DNAH11: variants seen among roughly 807,000 people sequenced by gnomAD.
The protein encoded by DNAH11 is dynein axonemal heavy chain 11.
DNAH11 carries 442 observed loss-of-function variants against 526.0 expected under a neutral mutation model. The observed-to-expected ratio is 0.84, with a 90% CI of 0.78 to 0.91. The LOEUF (loss-of-function observed/expected upper bound fraction) is 0.91. Ranked by LOEUF, DNAH11 falls within the 40% of genes least tolerant of loss-of-function variation. DNAH11 has a pLI of 0.00. For synonymous variants in DNAH11, 2,461 were observed against 1,935.9 expected, an observed-to-expected ratio of 1.27 and a Z score of -7.12; for missense variants, 6,989 against 5,448.7, an observed-to-expected ratio of 1.28 and a Z score of -8.90.
intron 58 of DNAH11, 22 bp from the exon 59 acceptor site, chr7:21,786,602 G>T: frequency 6.2e-7 from 1 of 1,602,252 alleles, no homozygotes; most frequent in Non-Finnish European, 8.5e-7. Flanking sequence ...CTGTGTACGT[G>T]TTTCTGTGTG....
At chr7:21,838,236 C>G (rs181637834) in intron 65 of DNAH11, among the ~76,000 whole-genome samples, 1 of 152,186 alleles carries the variant, frequency 6.6e-6, no homozygotes, top group Non-Finnish European at 1.5e-5. Flanking sequence ...ACAAGATTAT[C>G]CTGTGATACA....
intron 48 of DNAH11, among the ~76,000 whole-genome samples, 195 bp downstream of exon 48, chr7:21,739,868 C>G (rs1785797521): frequency 6.6e-6 from 1 of 152,070 alleles, no homozygotes; most frequent in Admixed American, 6.6e-5. Context: ...TTTTTTATAT[C>G]AAAGTTTATA....
intron 27 of DNAH11, 72 bp from the exon 28 acceptor site, chr7:21,638,867 G>A (rs759771466): frequency 6.5e-7 from 1 of 1,528,994 alleles, no homozygotes; most frequent in African/African-American, 1.4e-5. Context: ...TAGAGGACTT[G>A]AGTTTTGTTT....
chr7:21,882,276 G>A (rs1431410508), intron 75 of DNAH11, among the ~76,000 whole-genome samples: 1 of 152,146 alleles, frequency 6.6e-6, no homozygotes, highest in African/African-American at 2.4e-5. Flanking sequence ...GTCACACTGT[G>A]TCCTGCTTTT....
intron 55 of DNAH11, among the ~76,000 whole-genome samples, chr7:21,765,798 A>G (rs57560960): frequency 1.5e-4 from 23 of 152,272 alleles, no homozygotes; most frequent in African/African-American, 5.5e-4. Context: ...TCCACCATAC[A>G]TACTGAGGAG....
rs140822164 is a variant in DNAH11, at chr7:21,789,068, C to G, written c.9925-173C>G. Among the ~76,000 whole-genome samples, 1,656 of 152,094 alleles carry G rather than the reference C, an allele frequency of 0.011. 19 individuals are homozygous for G. Among genetic ancestry groups the G allele is most frequent in the South Asian group, 0.034 (163 of 4,806 alleles). The stretch of plus-strand genomic sequence containing the variant: ...CTTTGGGAGGCTGAGGTGGGAGGAT[C>G]CTTTGAGCCCCAGAGTTTAAGACCA... On this transcript the variant is annotated intron_variant, in intron 60 of 81. Transcript: ENST00000409508.
chr7:21,773,203 C>T, intron 55 of DNAH11, among the ~76,000 whole-genome samples: 2 of 152,182 alleles, frequency 1.3e-5, no homozygotes, highest in Admixed American at 1.3e-4. Context: ...GAGAGTTGCT[C>T]TTTTTGTGGG....
chr7:21,777,704 C>T (rs747094895), intron 56 of DNAH11, among the ~76,000 whole-genome samples: 35 of 152,066 alleles, frequency 2.3e-4, no homozygotes, highest in Non-Finnish European at 4.4e-4. Flanking sequence ...TTTCATATGG[C>T]TAAAAAGAAC....
At chr7:21,851,745 G>A (rs764834632) in intron 66 of DNAH11, 2 of 449,690 alleles carry the variant, frequency 4.4e-6, no homozygotes, top group Non-Finnish European at 9.2e-6. Flanking sequence ...GTGATTCTCT[G>A]TGTTTGCCTG....
chr7:21,545,265 G>A (rs1328903294), intron 2 of DNAH11, 116 bp downstream of exon 2: 1 of 370,436 alleles, frequency 2.7e-6, no homozygotes, highest in Admixed American at 6.3e-5. Flanking sequence ...GGAAGGGGAT[G>A]GGGGTGGTTA....
chr7:21,762,510 G>C (rs556540638), intron 54 of DNAH11, among the ~76,000 whole-genome samples: 3 of 152,228 alleles, frequency 2.0e-5, no homozygotes, highest in African/African-American at 7.2e-5. Context: ...GAAGAAAGGA[G>C]AAATATTCAA....
At chr7:21,723,180 T>G (rs1364595644) in intron 44 of DNAH11, among the ~76,000 whole-genome samples, 4 of 152,208 alleles carry the variant, frequency 2.6e-5, no homozygotes, top group Non-Finnish European at 4.4e-5. Flanking sequence ...CTTAACAAAT[T>G]GAGTGTCTAA....
chr7:21,594,893 G>A (rs991937594), intron 14 of DNAH11, among the ~76,000 whole-genome samples: 2 of 152,088 alleles, frequency 1.3e-5, no homozygotes, highest in Non-Finnish European at 2.9e-5. Flanking sequence ...AGACACTGCA[G>A]AATTTTGAGA....
chr7:21,559,408 T>A (rs1425355166), intron 3 of DNAH11, among the ~76,000 whole-genome samples, 195 bp from the exon 4 acceptor site: 1 of 152,174 alleles, frequency 6.6e-6, no homozygotes, highest in Non-Finnish European at 1.5e-5. Flanking sequence ...TTTAACAGTG[T>A]TTTTTGAGGT....
chr7:21,661,650 G>C (rs1363345696), intron 30 of DNAH11, among the ~76,000 whole-genome samples: 2 of 151,894 alleles, frequency 1.3e-5, no homozygotes, highest in Admixed American at 1.3e-4. Flanking sequence ...GAGGAATCCA[G>C]GGCCAGATTA....
intron 62 of DNAH11, among the ~76,000 whole-genome samples, chr7:21,802,211 A>T (rs1018881007): frequency 6.6e-6 from 1 of 152,230 alleles, no homozygotes; most frequent in Non-Finnish European, 1.5e-5. Context: ...AGATATGCAG[A>T]TAGCCAGTAA....
Position 21,639,330 on chromosome 7 carries a change from C to G in DNAH11, c.4944+265C>G, listed in dbSNP as rs148567770. Among the ~76,000 whole-genome samples, 133 of 151,988 alleles carry G rather than the reference C, an allele frequency of 8.8e-4. 1 individual carries two copies. The highest frequency in any genetic ancestry group is 3.2e-3 in the African/African-American group (131 of 41,546). On this transcript the variant is annotated intron_variant, in intron 28 of 81. Coordinates refer to ENST00000409508, the MANE Select transcript of DNAH11 (RefSeq NM_001277115.2). ...TGAAAGAAGTCGATGGAAAGAAACA[C>G]TGTCGCCAAATCCCCCAGAATTCTG...
rs1201932774 is a variant in DNAH11 at position 21,599,805 on chromosome 7, A to G, written c.2686A>G (p.Lys896Glu). The change falls in exon 15 of 82, where the codon AAA becomes GAA. Residue 896 changes from lysine to glutamate, a missense_variant. By Grantham distance (56) the Lys-to-Glu change is moderately conservative. Transcript: ENST00000409508. Reference sequence around the variant, plus strand: ...TTTCTAGGAAAATAGGAAGCTCTTCAAAGCCAATCCCTCTCTGGATACCTG... The same window carrying G: ...TTTCTAGGAAAATAGGAAGCTCTTCGAAGCCAATCCCTCTCTGGATACCTG... ...NLVEENRKLFKANPSLDTWKI... is the reference protein window; with the variant it reads ...NLVEENRKLFEANPSLDTWKI... The G allele has an allele frequency of 5.1e-6, 8 of 1,568,596 alleles. No homozygotes were observed. In the African/African-American group the frequency reaches 1.1e-4, roughly 21 times the overall value.
chr7:21,659,677 A>G (rs1340204612), intron 30 of DNAH11, among the ~76,000 whole-genome samples: 3 of 152,114 alleles, frequency 2.0e-5, no homozygotes, highest in African/African-American at 7.2e-5. Flanking sequence ...ATCCATAAAT[A>G]TGAAGTGGCT....
Sources: allele counts gnomAD v4.1 joint callset (sites outside exome capture counted in the v4.1 genomes callset), GRCh38; gene constraint gnomAD v4.1.1; transcripts MANE v1.5; gene names NCBI Gene and HGNC (gene_info 2026-07-23, HGNC 2026-07-21).